ANK2: variants seen among roughly 807,000 people sequenced by gnomAD.
ANK2 encodes ankyrin 2.
Under a neutral mutation model 360.5 loss-of-function variants are expected in ANK2, and 83 were observed. That is an observed-to-expected ratio of 0.23 (90% CI 0.19 to 0.28). The LOEUF (loss-of-function observed/expected upper bound fraction) is 0.28. Ranked by LOEUF, ANK2 falls within the 10% of genes least tolerant of loss-of-function variation. The pLI is 1.00. For missense variants in ANK2, 4,201 were observed against 4,795.7 expected, an observed-to-expected ratio of 0.88 and a Z score of 3.66; for synonymous variants, 1,740 against 1,759.5, an observed-to-expected ratio of 0.99 and a Z score of 0.28.
At chr4:113,328,719 T>C (rs2091347907) in intron 26 of ANK2, among the ~76,000 whole-genome samples, 1 of 152,208 alleles carries the variant, frequency 6.6e-6, no homozygotes. Context: ...GTGCTGCCTC[T>C]TGTGGTCTCA....
At chr4:113,274,737 T>C in intron 15 of ANK2, 88 bp downstream of exon 15, 2 of 1,407,340 alleles carry the variant, frequency 1.4e-6, no homozygotes, top group Non-Finnish European at 2.0e-6. Flanking sequence ...ATCAAGAGGG[T>C]AGATCTCCTC....
the ANK2 span, among the ~76,000 whole-genome samples, chr4:112,726,790 G>T: frequency 6.8e-6 from 1 of 148,092 alleles, no homozygotes; most frequent in Non-Finnish European, 1.5e-5. Context: ...GGCGGAGCTT[G>T]CAGTGAGCCA....
intron 1 of ANK2, among the ~76,000 whole-genome samples, chr4:112,885,126 T>A (rs576743315): frequency 5.9e-5 from 9 of 152,196 alleles, no homozygotes; most frequent in Admixed American, 1.3e-4. Flanking sequence ...ATACTTGCCC[T>A]TTTTTTCTCT....
chr4:112,851,406 A>G (rs916135225), intron 1 of ANK2, among the ~76,000 whole-genome samples: 2 of 152,170 alleles, frequency 1.3e-5, no homozygotes, highest in African/African-American at 4.8e-5. Context: ...ACATCCCTCC[A>G]CATGGAGGAA....
intron 2 of ANK2, among the ~76,000 whole-genome samples, chr4:112,998,184 C>T (rs566489037): frequency 6.6e-6 from 1 of 151,932 alleles, no homozygotes; most frequent in Admixed American, 6.6e-5. Context: ...AATAAATAAT[C>T]GCCATTTTCA....
chr4:112,889,533 A>G (rs796514140), intron 1 of ANK2, among the ~76,000 whole-genome samples: 4 of 152,072 alleles, frequency 2.6e-5, no homozygotes, highest in African/African-American at 9.6e-5. Context: ...GCTTTTTTAA[A>G]AATTTAGATT....
At chr4:112,950,121 C>T (rs1279232032) in intron 2 of ANK2, among the ~76,000 whole-genome samples, 1 of 152,052 alleles carries the variant, frequency 6.6e-6, no homozygotes, top group Admixed American at 6.5e-5. Flanking sequence ...TCTAATGTCC[C>T]TCATCTCTGT....
rs2154257507 is a variant in ANK2 at position 112,957,457 on chromosome 4, C to A, written c.21+52943C>A. On this transcript the variant is annotated intron_variant, in intron 2 of 30. Coordinates refer to the ANK2 transcript ENST00000503271. ...CAACCATCCGATTTCTCAATCTTTT[C>A]CCCGCCTTTCCCCCCTTTCTATTCC... Among the ~76,000 whole-genome samples, 3 of 152,358 alleles carry A rather than the reference C, an allele frequency of 2.0e-5. No homozygotes were observed. In the South Asian group the frequency reaches 6.2e-4, roughly 32 times the overall value.
Position 113,241,664 on chromosome 4 carries a change from T to C in ANK2, c.793-447T>C, listed in dbSNP as rs953683666. 2.6e-5 allele frequency among the ~76,000 whole-genome samples: 4 copies of C among 152,202 alleles called. 1 individual carries two copies. The highest frequency in any genetic ancestry group is 5.9e-5 in the Non-Finnish European group (4 of 68,032). On this transcript the variant is annotated intron_variant, in intron 8 of 45. Coordinates refer to ENST00000357077, the MANE Select transcript of ANK2 (RefSeq NM_001148.6). ...TTGAAGGAGATGTTTTTAAGAATCATTTTTATATTGGATATTAATACCCAA... is the reference window on the plus strand; with the variant it reads ...TTGAAGGAGATGTTTTTAAGAATCACTTTTATATTGGATATTAATACCCAA...
In ANK2 at chr4:113,356,121, A is replaced by T; in HGVS notation, c.7503A>T (p.Glu2501Asp). ...AAVAKTELLT[E>D]VASVRSRLLR... ...TTGCCAAAACAGAACTCTTGACGGA[A>T]GTGGCCTCTGTGCGGTCCCGGCTAC... The change falls in exon 38 of 46, where the codon GAA (glutamate) becomes GAT (aspartate). Residue 2501 changes from glutamate (E) to aspartate (D), a missense_variant. Around this residue, in one of 4 missense-constraint regions of ANK2, gnomAD observed 2,642 missense variants for 2,714.5 expected, o/e 0.97. Coordinates refer to ENST00000357077, the MANE Select transcript of ANK2 (RefSeq NM_001148.6). The T allele has an allele frequency of 6.2e-7, 1 of 1,614,104 alleles. No homozygotes were observed. The highest frequency in any genetic ancestry group is 2.2e-5 in the East Asian group (1 of 44,878).
At chr4:113,070,587 G>A (rs1049031390) in intron 1 of ANK2, among the ~76,000 whole-genome samples, 4 of 152,118 alleles carry the variant, frequency 2.6e-5, no homozygotes, top group African/African-American at 9.7e-5. Context: ...TTGACAGGAA[G>A]ACAGCCTATC....
At chr4:113,091,030 G>A (rs936427791) in intron 1 of ANK2, among the ~76,000 whole-genome samples, 1 of 152,196 alleles carries the variant, frequency 6.6e-6, no homozygotes, top group Admixed American at 6.5e-5. Flanking sequence ...GAGACCCTCA[G>A]ATGGATGGGT....
At chr4:112,791,476 C>CTTTTTTTT in the ANK2 span, among the ~76,000 whole-genome samples, 3 of 98,276 alleles carry the variant, frequency 3.1e-5, no homozygotes, top group African/African-American at 9.5e-5. Flanking sequence ...TCTTCTTCTT[C>CTTTTTTTT]TTCTTTTTTT....
At chr4:113,010,319 A>C (rs1208846843) in intron 2 of ANK2, among the ~76,000 whole-genome samples, 1 of 152,188 alleles carries the variant, frequency 6.6e-6, no homozygotes, top group Non-Finnish European at 1.5e-5. Context: ...CATAGAGATA[A>C]GCCCAAATGA....
intron 1 of ANK2, among the ~76,000 whole-genome samples, chr4:113,097,895 C>G (rs1262183388): frequency 8.2e-6 from 1 of 122,034 alleles, no homozygotes; most frequent in Non-Finnish European, 1.7e-5. Context: ...CACACACGCA[C>G]ACACACATAT....
At position 113,367,860 on chromosome 4, in the gene ANK2, C is replaced by T. The variant is rs2096590803; in HGVS notation, c.11318+9C>T. ...TATCAGCAGGAATATTTGTGAGTTTCCAAAGAAAGCCTGTCAAATGTAATA... is the reference window on the plus strand; with the variant it reads ...TATCAGCAGGAATATTTGTGAGTTTTCAAAGAAAGCCTGTCAAATGTAATA... On this transcript the variant is annotated intron_variant, in intron 42 of 45. Transcript: ENST00000357077. 1 of 1,614,000 alleles carries T rather than the reference C, an allele frequency of 6.2e-7. No individual in the cohort carries two copies. The highest frequency in any genetic ancestry group is 8.5e-7 in the Non-Finnish European group (1 of 1,179,930).
At chr4:113,033,022 G>A (rs182446276) in intron 2 of ANK2, among the ~76,000 whole-genome samples, 2 of 152,132 alleles carry the variant, frequency 1.3e-5, no homozygotes, top group Admixed American at 1.3e-4. Flanking sequence ...GGAATCACAA[G>A]CACTACTCCA....
the ANK2 span, among the ~76,000 whole-genome samples, chr4:112,721,831 T>C: frequency 6.6e-6 from 1 of 152,162 alleles, no homozygotes; most frequent in Admixed American, 6.5e-5. Flanking sequence ...AGCAATTCAT[T>C]GTTTGAGTAA....
At chr4:113,030,804 T>C (rs1013993061) in intron 2 of ANK2, among the ~76,000 whole-genome samples, 2 of 152,008 alleles carry the variant, frequency 1.3e-5, no homozygotes, top group African/African-American at 2.4e-5. Context: ...AAGAAGGCCG[T>C]AGATGAGTAC....
Sources: allele counts gnomAD v4.1 joint callset (sites outside exome capture counted in the v4.1 genomes callset), GRCh38; gene constraint gnomAD v4.1.1; regional missense constraint gnomAD v4.1.1; transcripts MANE v1.5; gene names NCBI Gene and HGNC (gene_info 2026-07-23, HGNC 2026-07-21).